SDK1: variants seen among roughly 807,000 people sequenced by gnomAD.
SDK1 encodes protein sidekick-1.
SDK1 carries 157 observed loss-of-function variants against 245.5 expected under a neutral mutation model. That is an observed-to-expected ratio of 0.64 (90% confidence interval 0.56 to 0.73). The LOEUF (loss-of-function observed/expected upper bound fraction) is 0.73, where lower values mean the gene tolerates loss of function less well. SDK1 is among the 30% of genes least tolerant of loss of function. The pLI is 0.00. For missense variants in SDK1, 3,583 were observed against 3,002.3 expected, an observed-to-expected ratio of 1.19 and a Z score of -4.52; for synonymous variants, 1,647 against 1,278.5, an observed-to-expected ratio of 1.29 and a Z score of -6.15.
At chr7:4,191,864 G>A (rs956759885) in intron 35 of SDK1, among the ~76,000 whole-genome samples, 91 of 152,316 alleles carry the variant, frequency 6.0e-4, no homozygotes, top group African/African-American at 2.0e-3. Context: ...TCCCAGGGCC[G>A]CGCGTCACGC....
At chr7:4,129,177 T>C (rs575096259) in intron 26 of SDK1, among the ~76,000 whole-genome samples, 80 of 140,966 alleles carry the variant, frequency 5.7e-4, no homozygotes, top group Non-Finnish European at 9.4e-4. Flanking sequence ...GGAGAGCACC[T>C]TGGGGTAGGG....
chr7:3,477,661 A>G (rs569309434), intron 1 of SDK1, among the ~76,000 whole-genome samples: 98 of 151,858 alleles, frequency 6.5e-4, no homozygotes, highest in African/African-American at 2.2e-3. Flanking sequence ...ACTTCAGCAC[A>G]CACTACCACA....
rs1785903370 is a variant in SDK1, at chr7:4,011,001, C to G, written c.2167C>G (p.Pro723Ala). 1 of 1,614,160 alleles carries G rather than the reference C, an allele frequency of 6.2e-7. No individual in the cohort carries two copies. Among genetic ancestry groups the G allele is most frequent in the Non-Finnish European group, 8.5e-7 (1 of 1,180,024 alleles). Residue 723 changes from proline (P) to alanine (A), a missense_variant, in exon 15 of 45, where the codon CCT becomes GCT. Physicochemically the swap from Pro to Ala is conservative, Grantham distance 27 (BLOSUM62 -1). Transcript: ENST00000404826. ...GAAGGTGCATCTGTCAAACGTTGGC[C>G]CTGAGATGACAGGCGTCACCGTGAG... is the stretch of plus-strand genomic sequence containing the variant. ...PWKVHLSNVG[P>A]EMTGVTVSGL...
At chr7:3,910,785 T>G (rs1779135844) in intron 5 of SDK1, among the ~76,000 whole-genome samples, 1 of 152,234 alleles carries the variant, frequency 6.6e-6, no homozygotes, top group African/African-American at 2.4e-5. Context: ...ATGATTCCTC[T>G]CCTTGCATCC....
At position 4,268,547 on chromosome 7, in the gene SDK1, C is replaced by T; in HGVS notation, c.*3163C>T. ...ACACACGGAACGCGCCTCCACAGCC[C>T]CGGGAGGTGGCTCACTCTGTACAGG... On this transcript the variant is annotated 3_prime_UTR_variant, in exon 45 of 45. Transcript: ENST00000404826. 7.8e-7 allele frequency: 1 copy of T among 1,289,264 alleles called. No individual in the cohort carries two copies. Among genetic ancestry groups the T allele is most frequent in the African/African-American group, 1.5e-5 (1 of 66,270 alleles). 79.9% of individuals were successfully genotyped at this position (1,289,264 alleles called of 1,614,324 possible).
intron 4 of SDK1, among the ~76,000 whole-genome samples, chr7:3,690,624 G>A (rs1226963050): frequency 6.6e-6 from 1 of 152,124 alleles, no homozygotes; most frequent in Non-Finnish European, 1.5e-5. Context: ...TTACAGATAA[G>A]TCACCAGGAA....
At chr7:3,792,122 C>T (rs959874592) in intron 4 of SDK1, among the ~76,000 whole-genome samples, 2 of 152,026 alleles carry the variant, frequency 1.3e-5, no homozygotes, top group Admixed American at 6.6e-5. Context: ...GACGAGACCC[C>T]CTTCCTAAAT....
At chr7:3,799,793 G>T (rs1353309041) in intron 4 of SDK1, among the ~76,000 whole-genome samples, 4 of 150,600 alleles carry the variant, frequency 2.7e-5, no homozygotes, top group African/African-American at 9.8e-5. Flanking sequence ...GAGTTTACTT[G>T]CTCCTCCAAA....
intron 1 of SDK1, among the ~76,000 whole-genome samples, chr7:3,397,513 G>T (rs1038400583): frequency 1.3e-5 from 2 of 150,938 alleles, no homozygotes; most frequent in African/African-American, 4.9e-5. Context: ...TGTCACATCA[G>T]TGCCTTCTGG....
At chr7:3,476,301 G>GT (rs1215199785) in intron 1 of SDK1, among the ~76,000 whole-genome samples, 2 of 152,136 alleles carry the variant, frequency 1.3e-5, no homozygotes, top group Non-Finnish European at 2.9e-5. Flanking sequence ...GCTGTTTGCT[G>GT]TTTATACATA....
intron 22 of SDK1, among the ~76,000 whole-genome samples, chr7:4,081,373 C>T (rs1056775325): frequency 3.9e-5 from 6 of 152,080 alleles, no homozygotes; most frequent in African/African-American, 1.4e-4. Context: ...ACCCTCACCA[C>T]AGTTTCTTGG....
In SDK1 at chr7:4,201,456, T is replaced by A. The variant is rs190335205; in HGVS notation, c.5099-4423T>A. ...TAAAGCAAACTGAGGAATATACAATTTTTAAAAAATCATATAAAGAAAATT... is the reference window on the plus strand; with the variant it reads ...TAAAGCAAACTGAGGAATATACAATATTTAAAAAATCATATAAAGAAAATT... On this transcript the variant is annotated intron_variant, in intron 35 of 44. Coordinates refer to ENST00000404826, the MANE Select transcript of SDK1 (RefSeq NM_152744.4). Among the ~76,000 whole-genome samples, 343 of 152,336 alleles carry A rather than the reference T, an allele frequency of 2.3e-3. 2 individuals are homozygous for A. Among genetic ancestry groups the A allele is most frequent in the Middle Eastern group, 6.8e-3 (2 of 294 alleles).
intron 2 of SDK1, among the ~76,000 whole-genome samples, chr7:3,627,769 A>T (rs1252040113): frequency 6.6e-6 from 1 of 152,172 alleles, no homozygotes; most frequent in African/African-American, 2.4e-5. Flanking sequence ...CCCACAGTTG[A>T]GTCATCCTCT....
At chr7:3,672,347 C>G (rs1041931390) in intron 4 of SDK1, among the ~76,000 whole-genome samples, 2 of 151,838 alleles carry the variant, frequency 1.3e-5, no homozygotes, top group African/African-American at 4.8e-5. Flanking sequence ...CCCCCAAGTT[C>G]TTGAAGTGTC....
chr7:4,051,033 T>C (rs1368552983), intron 18 of SDK1, among the ~76,000 whole-genome samples: 4 of 141,948 alleles, frequency 2.8e-5, no homozygotes, highest in Non-Finnish European at 6.0e-5. Flanking sequence ...ATATGTTATG[T>C]ATGTTATATA....
At position 3,982,454 on chromosome 7, in the gene SDK1, C is replaced by G. The variant is rs532909279; in HGVS notation, c.1995-4732C>G. Reference sequence around the variant, plus strand: ...TATTTAAGGAATATATTTCATAAGACTATAGTTGCCATGGATGATAATTCC... The same window carrying G: ...TATTTAAGGAATATATTTCATAAGAGTATAGTTGCCATGGATGATAATTCC... On this transcript the variant is annotated intron_variant, in intron 13 of 44. Coordinates refer to ENST00000404826, the MANE Select transcript of SDK1 (RefSeq NM_152744.4). 5.2e-4 allele frequency among the ~76,000 whole-genome samples: 79 copies of G among 152,312 alleles called. 1 individual carries two copies. The highest frequency in any genetic ancestry group is 1.5e-3 in the African/African-American group (63 of 41,558).
intron 1 of SDK1, among the ~76,000 whole-genome samples, chr7:3,523,463 G>T (rs1402686087): frequency 6.6e-6 from 1 of 152,132 alleles, no homozygotes; most frequent in East Asian, 1.9e-4. Context: ...CTGAGTGCTA[G>T]ATTAGTGGAT....
intron 1 of SDK1, among the ~76,000 whole-genome samples, chr7:3,397,577 T>G (rs895883139): frequency 1.3e-5 from 2 of 151,936 alleles, no homozygotes; most frequent in African/African-American, 4.8e-5. Context: ...GGATTCCCTG[T>G]AATATGCAAG....
chr7:4,179,602 G>A lies in SDK1; in HGVS notation c.5098+1016G>A, dbSNP rs74452775. Among the ~76,000 whole-genome samples the A allele has an allele frequency of 4.6e-3, 706 of 152,182 alleles. 3 individuals carry two copies. The highest frequency in any genetic ancestry group is 0.015 in the African/African-American group (643 of 41,508). On this transcript the variant is annotated intron_variant, in intron 35 of 44. Transcript: ENST00000404826. The stretch of plus-strand genomic sequence containing the variant: ...GGCATCAAGAGCATACGGTATTTCT[G>A]CCTCTCTTTGCACGAAAATATGTTC...
Sources: gnomAD v4.1 joint callset for allele counts (sites outside exome capture counted in the v4.1 genomes callset) on GRCh38, gnomAD v4.1.1 for gene constraint, MANE v1.5 for transcripts, NCBI Gene and HGNC (gene_info 2026-07-23, HGNC 2026-07-21) for gene names.